PPIL2: variants seen among roughly 807,000 people sequenced by gnomAD.
PPIL2 encodes RING-type E3 ubiquitin-protein ligase PPIL2.
A neutral mutation model predicts 75.2 loss-of-function variants in PPIL2; 50 were observed. That is an observed-to-expected ratio of 0.66 (90% CI 0.53 to 0.84). The LOEUF (loss-of-function observed/expected upper bound fraction) is 0.84. Ranked by LOEUF, PPIL2 falls within the 40% of genes least tolerant of loss-of-function variation. The pLI, the probability that PPIL2 is intolerant of heterozygous loss-of-function variation, is 0.00. For synonymous variants in PPIL2, 245 were observed against 258.8 expected, an observed-to-expected ratio of 0.95 and a Z score of 0.51; for missense variants, 590 against 685.0, an observed-to-expected ratio of 0.86 and a Z score of 1.55.
At chr22:21,686,612 G>T in intron 11 of PPIL2, 54 bp downstream of exon 11, 10 of 1,558,032 alleles carry the variant, frequency 6.4e-6, no homozygotes, top group Non-Finnish European at 8.8e-6. Context: ...AGTGGCAGGG[G>T]GTGGGTGTGC....
Position 21,666,037 on chromosome 22 carries a change from T to C in PPIL2, c.-63T>C. ...AGTGGTCACGGAACTCGGCTGCGGC[T>C]CCATGGTCTGAGTTGTCAGCCGTTG... On this transcript the variant is annotated 5_prime_UTR_variant, in exon 1 of 20. Transcript: ENST00000398831. 6.3e-7 allele frequency: 1 copy of C among 1,583,560 alleles called. No homozygotes were observed. The highest frequency in any genetic ancestry group is 1.8e-5 in the Admixed American group (1 of 56,170).
intron 1 of PPIL2, among the ~76,000 whole-genome samples, chr22:21,667,080 C>T (rs1030290688): frequency 1.1e-4 from 16 of 151,372 alleles, no homozygotes; most frequent in Admixed American, 6.6e-4. Flanking sequence ...TTTCTCTCGA[C>T]TTCAGCGGCC....
chr22:21,696,884 G>A lies in PPIL2; in HGVS notation c.*1394G>A. On this transcript the variant is annotated 3_prime_UTR_variant, in exon 20 of 20. Transcript: ENST00000398831. Reference sequence around the variant, plus strand: ...CTGCCTCACCCCATCCACTGCCACAGGCTGCCTGATGACCACTAGAGGTAT... The same window carrying A: ...CTGCCTCACCCCATCCACTGCCACAAGCTGCCTGATGACCACTAGAGGTAT... 6.3e-7 allele frequency: 1 copy of A among 1,590,916 alleles called. No homozygotes were observed. Among genetic ancestry groups the A allele is most frequent in the Non-Finnish European group, 8.6e-7 (1 of 1,169,320 alleles).
chr22:21,676,309 T>TTTTTTG (rs71318714), intron 6 of PPIL2, among the ~76,000 whole-genome samples: 1 of 123,018 alleles, frequency 8.1e-6, no homozygotes, highest in African/African-American at 3.2e-5. Flanking sequence ...TTTATTTATT[T>TTTTTTG]TGTGTGTGTG....
At chr22:21,692,368 A>G (rs1043006863) in intron 15 of PPIL2, among the ~76,000 whole-genome samples, 148 of 151,040 alleles carry the variant, frequency 9.8e-4, no homozygotes, top group South Asian at 3.1e-3. Context: ...GTTAGCGAGG[A>G]TGGTCTCGAT....
rs568238454 is a variant in PPIL2, at chr22:21,668,021, C to T, written c.32+1890C>T. On this transcript the variant is annotated intron_variant, in intron 1 of 19. Transcript: ENST00000398831. The stretch of plus-strand genomic sequence containing the variant: ...CGAACTCCTGACGTCGAGTGATCGA[C>T]CTACCTCTGCCTCCCAAAGTGCTGG... 1.3e-3 allele frequency among the ~76,000 whole-genome samples: 197 copies of T among 152,146 alleles called. 2 individuals are homozygous for T. The highest frequency in any genetic ancestry group is 4.4e-3 in the African/African-American group (181 of 41,532).
At chr22:21,673,463 T>C (rs1368605666) in intron 5 of PPIL2, 1 of 152,324 alleles carries the variant, frequency 6.6e-6, no homozygotes, top group Non-Finnish European at 1.5e-5. Context: ...ATTCTGTCAT[T>C]TGGTTGCAGC....
intron 15 of PPIL2, among the ~76,000 whole-genome samples, chr22:21,691,648 C>T (rs1321842858): frequency 1.3e-5 from 2 of 151,918 alleles, no homozygotes; most frequent in African/African-American, 4.8e-5. Context: ...CCACTGCACT[C>T]CAGCCCTCCA....
At position 21,697,803 on chromosome 22, in the gene PPIL2, T is replaced by C. The variant is rs1411582381; in HGVS notation, c.*2313T>C. 1 of 152,326 alleles carries C rather than the reference T, an allele frequency of 6.6e-6. No homozygotes were observed. The highest frequency in any genetic ancestry group is 1.5e-5 in the Non-Finnish European group (1 of 68,018). The allele number at this position is 152,326 out of a possible 1,614,324, so 9.4% of individuals were successfully genotyped here. A position where few individuals can be genotyped will look rare whatever the true frequency, so the allele number is the denominator to read the frequency against. ...CAAATGAAGGTTTACATTTCTGTAG[T>C]TTGTTTGTTTTAGAGCTTAATTTGT... On this transcript the variant is annotated 3_prime_UTR_variant, in exon 20 of 20. Coordinates refer to ENST00000398831, the MANE Select transcript of PPIL2 (RefSeq NM_014337.4).
Position 21,696,410 on chromosome 22 carries a change from C to G in PPIL2, c.*920C>G. ...CTCCTGCTGAAGTGGCCTTGCTGCT[C>G]TCAGGCCCGGCCACTGGGCTCCAAG... On this transcript the variant is annotated 3_prime_UTR_variant, in exon 20 of 20. Coordinates refer to ENST00000398831, the MANE Select transcript of PPIL2 (RefSeq NM_014337.4). 1 of 1,172,592 alleles carries G rather than the reference C, an allele frequency of 8.5e-7. No individual in the cohort carries two copies. Among genetic ancestry groups the G allele is most frequent in the Non-Finnish European group, 1.1e-6 (1 of 939,012 alleles). The allele number at this position is 1,172,592 out of a possible 1,614,324, so 72.6% of individuals were successfully genotyped here. A position where few individuals can be genotyped will look rare whatever the true frequency, so the allele number is the denominator to read the frequency against.
rs2066787618 is a variant in PPIL2 at position 21,675,171 on chromosome 22, GC to G, written c.295+57del. ...CTTGACCTGCAGACCCAAGGGCCCA[GC>G]TCTCACCAGTTTTCATACGGAATCA... On this transcript the variant is annotated intron_variant, in intron 6 of 19. Coordinates refer to ENST00000398831, the MANE Select transcript of PPIL2 (RefSeq NM_014337.4). The G allele has an allele frequency of 2.8e-6, 4 of 1,449,452 alleles. No individual in the cohort carries two copies. The East Asian group carries it at 9.1e-5, about 33-fold the overall frequency. The allele number at this position is 1,449,452 out of a possible 1,614,324, so 89.8% of individuals were successfully genotyped here.
At chr22:21,673,755 G>T (rs1417616086) in intron 5 of PPIL2, 4 of 152,568 alleles carry the variant, frequency 2.6e-5, no homozygotes, top group Non-Finnish European at 5.9e-5. Flanking sequence ...AGACCTATGG[G>T]TGTCAGCAGA....
intron 16 of PPIL2, 139 bp from the exon 17 acceptor site, chr22:21,694,454 A>T: frequency 4.5e-6 from 4 of 883,882 alleles, no homozygotes; most frequent in Non-Finnish European, 7.1e-6. Context: ...ACTCCCTCTC[A>T]TCGCCTTCCT....
chr22:21,696,824 C>G lies in PPIL2; in HGVS notation c.*1334C>G. The G allele has an allele frequency of 1.3e-6, 2 of 1,558,368 alleles. No homozygotes were observed. Among genetic ancestry groups the G allele is most frequent in the Non-Finnish European group, 1.7e-6 (2 of 1,151,572 alleles). ...GAAGCTGCAGGCCTGAGCCCTTTGTCTCCCTGGATGCTGGGTGGCGCCTCA... is the reference window on the plus strand; with the variant it reads ...GAAGCTGCAGGCCTGAGCCCTTTGTGTCCCTGGATGCTGGGTGGCGCCTCA... On this transcript the variant is annotated 3_prime_UTR_variant, in exon 20 of 20. Coordinates refer to ENST00000398831, the MANE Select transcript of PPIL2 (RefSeq NM_014337.4).
Position 21,695,582 on chromosome 22 carries a change from G to T in PPIL2, c.*92G>T. The T allele has an allele frequency of 6.5e-7, 1 of 1,531,378 alleles. No homozygotes were observed. The highest frequency in any genetic ancestry group is 8.8e-7 in the Non-Finnish European group (1 of 1,137,404). The allele number at this position is 1,531,378 out of a possible 1,614,324, so 94.9% of individuals were successfully genotyped here. A position where few individuals can be genotyped will look rare whatever the true frequency, so the allele number is the denominator to read the frequency against. Reference sequence around the variant, plus strand: ...TTCCAGCCTTTCTAGCCTGCCCTCTGCTGCCAGCCAATAAATTGCTTGCCT... The same window carrying T: ...TTCCAGCCTTTCTAGCCTGCCCTCTTCTGCCAGCCAATAAATTGCTTGCCT... On this transcript the variant is annotated 3_prime_UTR_variant, in exon 20 of 20. Transcript: ENST00000398831.
Position 21,694,975 on chromosome 22 carries a change from G to T in PPIL2, c.1371G>T (p.Pro457=). The change falls in exon 19 of 20, where the codon CCG becomes CCT. Residue 457 remains proline (P), a synonymous_variant. Coordinates refer to ENST00000398831, the MANE Select transcript of PPIL2 (RefSeq NM_014337.4). ...QERKTQLKVA[P]ETKVKSSQPQ... The stretch of plus-strand genomic sequence containing the variant: ...GGAAGACACAGCTCAAGGTAGCCCC[G>T]GAGACCAAAGTGAAGAGCAGCCAGC... 6.2e-7 allele frequency: 1 copy of T among 1,613,828 alleles called. No homozygotes were observed. Among genetic ancestry groups the T allele is most frequent in the Non-Finnish European group, 8.5e-7 (1 of 1,180,022 alleles).
At chr22:21,692,248 C>CG (rs2067680043) in intron 15 of PPIL2, among the ~76,000 whole-genome samples, 5 of 151,954 alleles carry the variant, frequency 3.3e-5, no homozygotes, top group African/African-American at 7.2e-5. Flanking sequence ...CTCCGCCTCC[C>CG]AGGTTCATGC....
chr22:21,677,251 G>A (rs555390940), intron 6 of PPIL2, among the ~76,000 whole-genome samples: 4 of 123,492 alleles, frequency 3.2e-5, no homozygotes, highest in Non-Finnish European at 5.2e-5. Context: ...CATCCCAGAC[G>A]ATGGGTGGCT....
Position 21,695,694 on chromosome 22 carries a change from A to G in PPIL2, c.*204A>G, listed in dbSNP as rs2067897738. ...TGCCAAGGGCCTTGGCCCTGTTTCCAGGACCTGGCCCAGCCAGAGCCCACT... is the reference window on the plus strand; with the variant it reads ...TGCCAAGGGCCTTGGCCCTGTTTCCGGGACCTGGCCCAGCCAGAGCCCACT... On this transcript the variant is annotated 3_prime_UTR_variant, in exon 20 of 20. Coordinates refer to ENST00000398831, the MANE Select transcript of PPIL2 (RefSeq NM_014337.4). 2 of 1,385,564 alleles carry G rather than the reference A, an allele frequency of 1.4e-6. No individual in the cohort carries two copies. Among genetic ancestry groups the G allele is most frequent in the South Asian group, 1.5e-5 (1 of 66,730 alleles). 85.8% of individuals were successfully genotyped at this position (1,385,564 alleles called of 1,614,324 possible). A position where few individuals can be genotyped will look rare whatever the true frequency, so the allele number is the denominator to read the frequency against.
Sources: gnomAD v4.1 joint callset for allele counts (sites outside exome capture counted in the v4.1 genomes callset) on GRCh38, gnomAD v4.1.1 for gene constraint, MANE v1.5 for transcripts, NCBI Gene and HGNC (gene_info 2026-07-23, HGNC 2026-07-21) for gene names.